Variants in NUDT22 observed in about 807,000 individuals in gnomAD.
NUDT22 encodes the protein uridine diphosphate glucose pyrophosphatase NUDT22.
A neutral mutation model predicts 28.8 loss-of-function variants in NUDT22; 23 were observed. The observed-to-expected ratio is 0.80, with a 90% CI of 0.58 to 1.13. The LOEUF (loss-of-function observed/expected upper bound fraction) is 1.13. NUDT22 is among the 50% of genes most tolerant of loss of function. NUDT22 has a pLI of 0.00. For missense variants in NUDT22, 358 were observed against 387.3 expected (o/e 0.92, Z 0.64); for synonymous variants, 175 against 173.7 (o/e 1.01, Z -0.06).
chr11:64,227,225 C>A, intron 2 of NUDT22, 93 bp downstream of exon 2: 1 of 1,441,102 alleles, frequency 6.9e-7, no homozygotes, highest in East Asian at 2.5e-5. Flanking sequence ...TTTCCTCATT[C>A]CTTAAAGGGA....
At chr11:64,227,432 C>T in intron 2 of NUDT22, 136 bp from the exon 3 acceptor site, 1 of 772,562 alleles carries the variant, frequency 1.3e-6, no homozygotes, top group Non-Finnish European at 2.3e-6. Flanking sequence ...AGGGAAAGGA[C>T]ACCAGACTCA....
At position 64,229,529 on chromosome 11, in the gene NUDT22, C is replaced by A; in HGVS notation, c.729C>A (p.Pro243=). 1.2e-6 allele frequency: 2 copies of A among 1,614,134 alleles called. No homozygotes were observed. Among genetic ancestry groups the A allele is most frequent in the Non-Finnish European group, 1.7e-6 (2 of 1,180,004 alleles). ...QVRKHYLSGG[P]EAHESTGIFF... is the part of the protein sequence containing the mutation. The stretch of plus-strand genomic sequence containing the variant: ...GGAAGCACTACCTGAGTGGGGGACC[C>A]GAGGCCCACGAGTCTACAGGAATCT... The change falls in exon 5 of 6, where the codon CCC becomes CCA. Residue 243 remains proline, a synonymous_variant. Coordinates refer to ENST00000279206, the MANE Select transcript of NUDT22 (RefSeq NM_032344.4).
chr11:64,227,501 C>T, intron 2 of NUDT22, 67 bp from the exon 3 acceptor site: 1 of 1,233,938 alleles, frequency 8.1e-7, no homozygotes, highest in Non-Finnish European at 1.2e-6. Context: ...CAGGTATAGG[C>T]TTGCTGGTCC....
intron 2 of NUDT22, chr11:64,227,365 T>C: frequency 1.4e-6 from 1 of 726,542 alleles, no homozygotes; most frequent in Non-Finnish European, 2.5e-6. Context: ...GAAGATGCCC[T>C]ACTCCACCCC....
chr11:64,229,697 T>C (rs1947139758), intron 5 of NUDT22, 126 bp downstream of exon 5: 1 of 1,348,912 alleles, frequency 7.4e-7, no homozygotes, highest in Non-Finnish European at 1.0e-6. Flanking sequence ...AGATTTGCCC[T>C]CAGTGCAAGG....
chr11:64,230,144 G>C, downstream of NUDT22: 1 of 905,526 alleles, frequency 1.1e-6, no homozygotes, highest in Non-Finnish European at 1.8e-6. Flanking sequence ...CTGCAAGCAG[G>C]GGATAAGAAC....
intron 3 of NUDT22, among the ~76,000 whole-genome samples, chr11:64,228,087 G>A (rs1947095902): frequency 6.6e-6 from 1 of 151,344 alleles, no homozygotes; most frequent in Admixed American, 6.6e-5. Context: ...TAGCCAGGAT[G>A]GTCTTGATCT....
chr11:64,230,032 C>A, downstream of NUDT22: 1 of 1,581,152 alleles, frequency 6.3e-7, no homozygotes, highest in Non-Finnish European at 8.6e-7. Context: ...TTGGCATCTG[C>A]TATTTCTGTA....
downstream of NUDT22, chr11:64,230,061 C>A: frequency 1.4e-6 from 2 of 1,467,208 alleles, no homozygotes. Context: ...GAGCAATGGG[C>A]CCTGAGTGTG....
intron 3 of NUDT22, chr11:64,227,962 C>T (rs1302836914): frequency 3.8e-5 from 12 of 314,150 alleles, no homozygotes; most frequent in Non-Finnish European, 6.1e-5. Context: ...CTCCACCTCC[C>T]GGGTTCACGC....
At chr11:64,230,094 GAAAA>G (rs10708923), downstream of NUDT22, 184 of 720,590 alleles carry the variant, frequency 2.6e-4, no homozygotes, top group East Asian at 3.4e-4. Context: ...AGTGACTTGG[GAAAA>G]AAAAAAAAAA....
At position 64,229,529 on chromosome 11, in the gene NUDT22, C is replaced by T. The variant is rs201096830; in HGVS notation, c.729C>T (p.Pro243=). 39 of 1,614,134 alleles carry T rather than the reference C, an allele frequency of 2.4e-5. No homozygotes were observed. The East Asian group carries it at 3.1e-4, about 13-fold the overall frequency. The change falls in exon 5 of 6, where the codon CCC becomes CCT. Residue 243 remains proline, a synonymous_variant. Transcript: ENST00000279206. ...GGAAGCACTACCTGAGTGGGGGACCCGAGGCCCACGAGTCTACAGGAATCT... is the reference window on the plus strand; with the variant it reads ...GGAAGCACTACCTGAGTGGGGGACCTGAGGCCCACGAGTCTACAGGAATCT... The part of the protein sequence containing the change: ...QVRKHYLSGG[P]EAHESTGIFF...
intron 1 of NUDT22, 70 bp from the exon 2 acceptor site, chr11:64,226,565 G>A: frequency 6.6e-7 from 1 of 1,504,280 alleles, no homozygotes; most frequent in Middle Eastern, 2.5e-4. Context: ...GCGACAGAGG[G>A]GGCTAGCTGC....
Position 64,226,632 on chromosome 11 carries a change from C to T in NUDT22, c.-18-3C>T, listed in dbSNP as rs765265151. The T allele has an allele frequency of 1.3e-6, 2 of 1,549,592 alleles. No homozygotes were observed. The highest frequency in any genetic ancestry group is 3.9e-5 in the Admixed American group (2 of 51,222). On this transcript the variant is annotated splice_region_variant and splice_polypyrimidine_tract_variant and intron_variant, in intron 1 of 5. Coordinates refer to ENST00000279206, the MANE Select transcript of NUDT22 (RefSeq NM_032344.4). The stretch of plus-strand genomic sequence containing the variant: ...TGACAGGCCTGGCCGTATCCTCCCC[C>T]AGAGCTGCCCCGTTCAGACCATGGA...
rs1947018934 is a variant in NUDT22, at chr11:64,226,386, G to A, written c.-60G>A. On this transcript the variant is annotated 5_prime_UTR_variant, in exon 1 of 6. Coordinates refer to ENST00000279206, the MANE Select transcript of NUDT22 (RefSeq NM_032344.4). Reference sequence around the variant, plus strand: ...CGGAGGCAGACCCCTGGGTTTGGGGGACATGGGCATTTGGGGCGCCTGAAC... The same window carrying A: ...CGGAGGCAGACCCCTGGGTTTGGGGAACATGGGCATTTGGGGCGCCTGAAC... 3.8e-6 allele frequency: 5 copies of A among 1,306,092 alleles called. No homozygotes were observed. Among genetic ancestry groups the A allele is most frequent in the Non-Finnish European group, 4.9e-6 (5 of 1,030,436 alleles). The allele number at this position is 1,306,092 out of a possible 1,614,324, so 80.9% of individuals were successfully genotyped here.
downstream of NUDT22, chr11:64,230,222 C>T (rs1230974545): frequency 3.0e-6 from 2 of 673,760 alleles, no homozygotes; most frequent in African/African-American, 3.5e-5. Flanking sequence ...AGATATACCT[C>T]GCTGCAGAGG....
Position 64,229,233 on chromosome 11 carries a change from AC to A in NUDT22, c.580-11del. ...GATAGGTGGGACCTCCCCCCACCCC[AC>A]CCTCCACCGCAGGTGAACCTGCCGC... is the stretch of plus-strand genomic sequence containing the variant. On this transcript the variant is annotated splice_polypyrimidine_tract_variant and intron_variant, in intron 3 of 5. Transcript: ENST00000279206. 6.5e-7 allele frequency: 1 copy of A among 1,537,552 alleles called. No individual in the cohort carries two copies.
Position 64,228,005 on chromosome 11 carries a change from G to A in NUDT22, c.579+339G>A, listed in dbSNP as rs183186028. 979 of 236,610 alleles carry A rather than the reference G, an allele frequency of 4.1e-3. 9 individuals carry two copies. Among genetic ancestry groups the A allele is most frequent in the Non-Finnish European group, 5.5e-3 (648 of 118,158 alleles). 14.7% of individuals were successfully genotyped at this position (236,610 alleles called of 1,614,324 possible). ...CTACCTCAGCCTCCTGAGTAGCTGG[G>A]ACTACAGGCATCCGCCACCATGCCT... On this transcript the variant is annotated intron_variant, in intron 3 of 5. Coordinates refer to ENST00000279206, the MANE Select transcript of NUDT22 (RefSeq NM_032344.4).
In NUDT22 at chr11:64,229,356, C is replaced by A. The variant is rs117427483; in HGVS notation, c.677+12C>A. On this transcript the variant is annotated intron_variant, in intron 4 of 5. Transcript: ENST00000279206. ...GAGTTCTATGTCCAGTGAGTAGGCT[C>A]GGGTACATGATCCTGGGTCTTGGGA... 2 of 1,612,576 alleles carry A rather than the reference C, an allele frequency of 1.2e-6. No homozygotes were observed. Among genetic ancestry groups the A allele is most frequent in the East Asian group, 4.5e-5 (2 of 44,844 alleles).
Sources: gnomAD v4.1 joint callset for allele counts (sites outside exome capture counted in the v4.1 genomes callset) on GRCh38, gnomAD v4.1.1 for gene constraint, MANE v1.5 for transcripts, NCBI Gene and HGNC (gene_info 2026-07-23, HGNC 2026-07-21) for gene names.